PTPRG: variants seen among roughly 807,000 people sequenced by gnomAD.
PTPRG encodes the protein receptor-type tyrosine-protein phosphatase gamma.
PTPRG carries 102 observed loss-of-function variants against 165.3 expected under a neutral mutation model. The ratio of observed to expected loss-of-function variants is 0.62; its 90% CI spans 0.53 to 0.73. PTPRG has a LOEUF of 0.73. Ranked by LOEUF, PTPRG falls within the 30% of genes least tolerant of loss-of-function variation. The pLI, the probability that PTPRG is intolerant of heterozygous loss-of-function variation, is 0.00. For missense variants in PTPRG, 1,866 were observed against 1,861.4 expected (o/e 1.00, Z -0.05); for synonymous variants, 675 against 669.5 (o/e 1.01, Z -0.13).
intron 2 of PTPRG, among the ~76,000 whole-genome samples, chr3:61,869,929 A>G (rs1203364871): frequency 6.6e-6 from 1 of 151,812 alleles, no homozygotes. Flanking sequence ...TACGTCACCT[A>G]AATGCTCCTT....
intron 13 of PTPRG, among the ~76,000 whole-genome samples, chr3:62,221,444 G>T (rs1300754607): frequency 6.6e-6 from 1 of 152,166 alleles, no homozygotes. Context: ...ACAGCCTAGA[G>T]GGGACAAGGA....
chr3:61,678,687 A>C (rs1391688183), intron 1 of PTPRG, among the ~76,000 whole-genome samples: 1 of 152,088 alleles, frequency 6.6e-6, no homozygotes, highest in Non-Finnish European at 1.5e-5. Context: ...CATTTCTAGA[A>C]AAACAGCACC....
chr3:61,799,910 A>C (rs17065413), intron 2 of PTPRG, among the ~76,000 whole-genome samples: 9,483 of 152,250 alleles, frequency 0.062, 403 homozygotes, highest in East Asian at 0.23. Context: ...AATTTGGAAG[A>C]TGCTGTACTA....
At chr3:62,096,679 T>A (rs1702131525) in intron 5 of PTPRG, among the ~76,000 whole-genome samples, 1 of 152,242 alleles carries the variant, frequency 6.6e-6, no homozygotes, top group South Asian at 2.1e-4. Context: ...GTTAGTGTAT[T>A]TCTGCAAACA....
intron 12 of PTPRG, among the ~76,000 whole-genome samples, chr3:62,218,120 A>G (rs1700556103): frequency 6.6e-6 from 1 of 152,140 alleles, no homozygotes; most frequent in Non-Finnish European, 1.5e-5. Flanking sequence ...GAGCCCACGG[A>G]CAGAAGCACC....
intron 1 of PTPRG, among the ~76,000 whole-genome samples, chr3:61,607,554 T>G (rs186573771): frequency 3.7e-4 from 57 of 152,272 alleles, no homozygotes; most frequent in African/African-American, 1.3e-3. Context: ...CTTTTAAACC[T>G]TACTTTTTTT....
At chr3:61,763,570 C>T (rs10222661) in intron 2 of PTPRG, among the ~76,000 whole-genome samples, 149,556 of 149,580 alleles carry the variant, frequency 1, 74,766 homozygotes, top group Middle Eastern at 1. Flanking sequence ...GGGGTTTCAC[C>T]ATGTTGGCCA....
At chr3:61,915,016 G>T (rs558396269) in intron 2 of PTPRG, among the ~76,000 whole-genome samples, 1 of 152,342 alleles carries the variant, frequency 6.6e-6, no homozygotes, top group African/African-American at 2.4e-5. Context: ...GGATCACCAG[G>T]TCAGGAGTTC....
chr3:61,828,438 A>G (rs2107282739), intron 2 of PTPRG, among the ~76,000 whole-genome samples: 2 of 152,370 alleles, frequency 1.3e-5, no homozygotes, highest in East Asian at 3.9e-4. Flanking sequence ...TAGCTACTCC[A>G]TGGAGAAGAT....
chr3:62,137,902 A>G (rs540242673), intron 6 of PTPRG, among the ~76,000 whole-genome samples: 9 of 152,286 alleles, frequency 5.9e-5, no homozygotes, highest in Non-Finnish European at 1.2e-4. Flanking sequence ...TACTGTTCCA[A>G]TTTGCTTCAA....
intron 11 of PTPRG, among the ~76,000 whole-genome samples, chr3:62,202,301 C>A (rs1700112450): frequency 6.6e-6 from 1 of 152,094 alleles, no homozygotes; most frequent in Admixed American, 6.5e-5. Context: ...GAGTCTTAGA[C>A]CCAGGCAGCC....
chr3:61,665,582 T>C (rs1416617384), intron 1 of PTPRG, among the ~76,000 whole-genome samples: 2 of 149,516 alleles, frequency 1.3e-5, no homozygotes, highest in African/African-American at 2.5e-5. Context: ...TCCTGCACTT[T>C]GGGAGGCTGA....
At chr3:61,876,986 C>CT (rs149894308) in intron 2 of PTPRG, among the ~76,000 whole-genome samples, 17,650 of 148,448 alleles carry the variant, frequency 0.12, 1,628 homozygotes, top group East Asian at 0.5. Flanking sequence ...CCCTTTATTC[C>CT]TTTTTTTTTT....
intron 2 of PTPRG, among the ~76,000 whole-genome samples, chr3:61,881,632 G>A (rs900886348): frequency 6.6e-6 from 1 of 152,148 alleles, no homozygotes; most frequent in Non-Finnish European, 1.5e-5. Context: ...CTTCTATGAA[G>A]TTGACTAGAT....
chr3:61,913,899 G>GT (rs2038866066), intron 2 of PTPRG, among the ~76,000 whole-genome samples: 2 of 152,326 alleles, frequency 1.3e-5, no homozygotes, highest in African/African-American at 4.8e-5. Flanking sequence ...TTCTAAAGCT[G>GT]TGTAAACTGA....
At chr3:62,191,953 A>G (rs1044772965) in intron 9 of PTPRG, among the ~76,000 whole-genome samples, 2 of 152,340 alleles carry the variant, frequency 1.3e-5, no homozygotes, top group South Asian at 2.1e-4. Context: ...AACAGCCTCA[A>G]TTAGGCCCTT....
chr3:62,027,821 G>A (rs1009507740), intron 4 of PTPRG, among the ~76,000 whole-genome samples: 2 of 152,112 alleles, frequency 1.3e-5, no homozygotes, highest in South Asian at 2.1e-4. Flanking sequence ...GTGTGTGTTC[G>A]TCTATAGGAC....
intron 13 of PTPRG, among the ~76,000 whole-genome samples, chr3:62,227,122 C>CT (rs1700781073): frequency 6.6e-6 from 1 of 152,152 alleles, no homozygotes; most frequent in South Asian, 2.1e-4. Context: ...TAACACCCCT[C>CT]TCTTGCTTGA....
chr3:61,675,001 C>T (rs1403445796), intron 1 of PTPRG, among the ~76,000 whole-genome samples: 2 of 152,184 alleles, frequency 1.3e-5, no homozygotes, highest in African/African-American at 4.8e-5. Context: ...AGGAGACATT[C>T]AGTGCTGATT....
Sources: allele counts gnomAD v4.1 joint callset (sites outside exome capture counted in the v4.1 genomes callset), GRCh38; gene constraint gnomAD v4.1.1; transcripts MANE v1.5; gene names NCBI Gene and HGNC (gene_info 2026-07-23, HGNC 2026-07-21).